The following TNFRSF11B variants were observed in gnomAD, a reference collection of about 807,000 sequenced individuals.
TNFRSF11B encodes the protein tumor necrosis factor receptor superfamily member 11B.
In TNFRSF11B, 16 loss-of-function variants were observed where a neutral mutation model predicts 43.4. The observed-to-expected ratio is 0.37, with a 90% CI of 0.25 to 0.56. The LOEUF (loss-of-function observed/expected upper bound fraction) is 0.56. TNFRSF11B is among the 20% of genes least tolerant of loss of function. The probability of loss-of-function intolerance (pLI) is 0.80; values close to 1 mark genes in which losing one functional copy is unlikely to be tolerated. For missense variants in TNFRSF11B, 444 were observed against 490.1 expected (o/e 0.91, Z 0.89); for synonymous variants, 185 against 181.8 (o/e 1.02, Z -0.14).
intron 1 of TNFRSF11B, among the ~76,000 whole-genome samples, chr8:118,940,187 G>C (rs1014530332): frequency 6.6e-6 from 1 of 152,280 alleles, no homozygotes; most frequent in Middle Eastern, 3.4e-3. Flanking sequence ...TCGTGGGGTG[G>C]GGGGAGCAGG....
At chr8:118,935,624 A>G (rs1460253693) in intron 1 of TNFRSF11B, among the ~76,000 whole-genome samples, 7 of 152,204 alleles carry the variant, frequency 4.6e-5, no homozygotes, top group African/African-American at 1.4e-4. Context: ...TATGATACAT[A>G]ATTCAGGGCT....
intron 1 of TNFRSF11B, among the ~76,000 whole-genome samples, chr8:118,940,087 AC>A (rs1025981538): frequency 2.6e-5 from 4 of 152,208 alleles, no homozygotes; most frequent in African/African-American, 9.7e-5. Flanking sequence ...AGGACAGAAA[AC>A]AAAACACCCC....
chr8:118,926,150 G>A (rs1812241396), intron 4 of TNFRSF11B, among the ~76,000 whole-genome samples: 1 of 152,176 alleles, frequency 6.6e-6, no homozygotes, highest in South Asian at 2.1e-4. Flanking sequence ...AGTGGTTATA[G>A]AGCTTCTCCT....
intron 1 of TNFRSF11B, among the ~76,000 whole-genome samples, chr8:118,938,543 A>G (rs3134055): frequency 0.82 from 125,292 of 152,016 alleles, 51,693 homozygotes; most frequent in Non-Finnish European, 0.83. Context: ...AACATTTACC[A>G]AATGCTTTCC....
rs1480379207 is a variant in TNFRSF11B, at chr8:118,935,916, T to TCACC, written c.31-2617_31-2616insGGTG. ...TTCCCACTGGTCTCCCTTTCCCATT[T>TCACC]CAACATGGTTCAGGTGTGCCCATTT... On this transcript the variant is annotated intron_variant, in intron 1 of 4. Transcript: ENST00000297350. 2.6e-5 allele frequency among the ~76,000 whole-genome samples: 4 copies of TCACC among 152,294 alleles called. No individual in the cohort carries two copies. In the East Asian group the frequency reaches 7.7e-4, roughly 29 times the overall value.
Position 118,928,905 on chromosome 8 carries a change from C to A in TNFRSF11B, c.425G>T (p.Cys142Phe). Reference sequence around the variant, plus strand: ...GAAGAACCCATCTGGACATCTTTTGCAAACTGTATTTCGCTCTGGGGTTCC... The same window carrying A: ...GAAGAACCCATCTGGACATCTTTTGAAAACTGTATTTCGCTCTGGGGTTCC... Reference protein sequence around the residue: ...QAGTPERNTVCKRCPDGFFSN... With the variant: ...QAGTPERNTVFKRCPDGFFSN... The change falls in exon 3 of 5, where the codon TGC becomes TTC. Residue 142 changes from cysteine (C) to phenylalanine (F), a missense_variant. Coordinates refer to ENST00000297350, the MANE Select transcript of TNFRSF11B (RefSeq NM_002546.4). 6.2e-7 allele frequency: 1 copy of A among 1,614,178 alleles called. No homozygotes were observed. The highest frequency in any genetic ancestry group is 8.5e-7 in the Non-Finnish European group (1 of 1,180,022).
chr8:118,932,682 A>T (rs1391303458), intron 2 of TNFRSF11B, among the ~76,000 whole-genome samples: 2 of 150,526 alleles, frequency 1.3e-5, no homozygotes, highest in African/African-American at 2.5e-5. Context: ...AAAAACCATC[A>T]TGCATCTCAT....
At chr8:118,948,680 T>A (rs1812600098) in intron 1 of TNFRSF11B, among the ~76,000 whole-genome samples, 1 of 152,092 alleles carries the variant, frequency 6.6e-6, no homozygotes, top group African/African-American at 2.4e-5. Flanking sequence ...CCAGGAACGT[T>A]GCTACGGACA....
At chr8:118,939,581 G>A (rs1359363172) in intron 1 of TNFRSF11B, among the ~76,000 whole-genome samples, 2 of 152,162 alleles carry the variant, frequency 1.3e-5, no homozygotes, top group Admixed American at 6.5e-5. Context: ...GCACATCCAT[G>A]AACTCTAGCC....
At chr8:118,929,641 AT>A (rs1435052290) in intron 2 of TNFRSF11B, among the ~76,000 whole-genome samples, 1 of 152,256 alleles carries the variant, frequency 6.6e-6, no homozygotes, top group Non-Finnish European at 1.5e-5. Context: ...TGATGGAAAA[AT>A]ATTTGATAAA....
At chr8:118,945,132 T>C (rs763281484) in intron 1 of TNFRSF11B, among the ~76,000 whole-genome samples, 1 of 152,158 alleles carries the variant, frequency 6.6e-6, no homozygotes, top group Non-Finnish European at 1.5e-5. Flanking sequence ...CTGATTTAAA[T>C]AGAATTTCTT....
At chr8:118,948,626 G>C (rs181685665) in intron 1 of TNFRSF11B, among the ~76,000 whole-genome samples, 1 of 152,034 alleles carries the variant, frequency 6.6e-6, no homozygotes, top group Non-Finnish European at 1.5e-5. Context: ...TTTGAAACTA[G>C]ATTGAAATTA....
chr8:118,924,718 C>T lies in TNFRSF11B; in HGVS notation c.862G>A (p.Ala288Thr). Residue 288 changes from alanine (A) to threonine (T), a missense_variant, in exon 5 of 5, where the codon GCT becomes ACT. Coordinates refer to ENST00000297350, the MANE Select transcript of TNFRSF11B (RefSeq NM_002546.4). ...CGAAGCTGCTCGAAGGTGAGGTTAG[C>T]ATGTCCAATGTGCCGCTGCACGCTG... ...ENSVQRHIGH[A>T]NLTFEQLRSL... 6.2e-7 allele frequency: 1 copy of T among 1,614,206 alleles called. No homozygotes were observed. Among genetic ancestry groups the T allele is most frequent in the Non-Finnish European group, 8.5e-7 (1 of 1,180,034 alleles).
chr8:118,948,535 A>G (rs2129927534), intron 1 of TNFRSF11B, among the ~76,000 whole-genome samples: 1 of 152,282 alleles, frequency 6.6e-6, no homozygotes, highest in Admixed American at 6.5e-5. Flanking sequence ...TTCTAGAACT[A>G]ACCGGATAAA....
Position 118,924,123 on chromosome 8 carries a change from G to T in TNFRSF11B, c.*251C>A. ...TTTTTTAATTTCCAGTTGAATTACTGCAAGCAGTAATAAGGGAAAATATAG... is the reference window on the plus strand; with the variant it reads ...TTTTTTAATTTCCAGTTGAATTACTTCAAGCAGTAATAAGGGAAAATATAG... On this transcript the variant is annotated 3_prime_UTR_variant, in exon 5 of 5. Transcript: ENST00000297350. 2 of 357,688 alleles carry T rather than the reference G, an allele frequency of 5.6e-6. No homozygotes were observed. Among genetic ancestry groups the T allele is most frequent in the Non-Finnish European group, 1.0e-5 (2 of 195,708 alleles). The allele number at this position is 357,688 out of a possible 1,614,324, so 22.2% of individuals were successfully genotyped here. A position where few individuals can be genotyped will look rare whatever the true frequency, so the allele number is the denominator to read the frequency against.
At chr8:118,934,314 A>G (rs1812373085) in intron 1 of TNFRSF11B, among the ~76,000 whole-genome samples, 1 of 152,222 alleles carries the variant, frequency 6.6e-6, no homozygotes, top group African/African-American at 2.4e-5. Flanking sequence ...CACCGAAAAG[A>G]TTCCTCGAAT....
At chr8:118,934,763 T>G (rs1812378725) in intron 1 of TNFRSF11B, among the ~76,000 whole-genome samples, 1 of 152,134 alleles carries the variant, frequency 6.6e-6, no homozygotes. Context: ...CAAACAATAA[T>G]TTTTTCCAAA....
intron 1 of TNFRSF11B, among the ~76,000 whole-genome samples, chr8:118,949,005 A>G (rs913438330): frequency 2.0e-5 from 3 of 152,144 alleles, no homozygotes; most frequent in African/African-American, 7.2e-5. Flanking sequence ...AGTTCAATGG[A>G]TGGTTCCGAT....
chr8:118,934,487 T>C (rs1812374979), intron 1 of TNFRSF11B, among the ~76,000 whole-genome samples: 1 of 152,148 alleles, frequency 6.6e-6, no homozygotes, highest in African/African-American at 2.4e-5. Flanking sequence ...TTTCCATACA[T>C]AATGGCAGGA....
Sources: allele counts gnomAD v4.1 joint callset (sites outside exome capture counted in the v4.1 genomes callset), GRCh38; gene constraint gnomAD v4.1.1; transcripts MANE v1.5; gene names NCBI Gene and HGNC (gene_info 2026-07-23, HGNC 2026-07-21).